PALM2AKAP2: variants seen among roughly 807,000 people sequenced by gnomAD.
The protein encoded by PALM2AKAP2 is PALM2 and AKAP2 fusion.
Under a neutral mutation model 71.5 loss-of-function variants are expected in PALM2AKAP2, and 37 were observed. The observed-to-expected ratio is 0.52, with a 90% CI of 0.40 to 0.68. The LOEUF is 0.68. Ranked by LOEUF, PALM2AKAP2 falls within the 30% of genes least tolerant of loss-of-function variation. The pLI is 0.00. For synonymous variants in PALM2AKAP2, 468 were observed against 478.8 expected, an observed-to-expected ratio of 0.98 and a Z score of 0.29; for missense variants, 1,224 against 1,191.8, an observed-to-expected ratio of 1.03 and a Z score of -0.40.
At chr9:110,039,190 A>G (rs779896220) in intron 7 of PALM2AKAP2, among the ~76,000 whole-genome samples, 28 of 152,176 alleles carry the variant, frequency 1.8e-4, no homozygotes, top group Non-Finnish European at 2.9e-4. Context: ...TTGAGGCTGC[A>G]GTGAGCCATG....
chr9:110,048,638 C>G, upstream of PALM2AKAP2: 1 of 1,448,254 alleles, frequency 6.9e-7, no homozygotes, highest in East Asian at 2.8e-5. Flanking sequence ...GGGCGGGCCC[C>G]AGGAGCAGGC....
chr9:110,024,640 T>C (rs750523039), intron 7 of PALM2AKAP2, among the ~76,000 whole-genome samples: 2 of 151,970 alleles, frequency 1.3e-5, no homozygotes, highest in African/African-American at 2.4e-5. Flanking sequence ...AAAAATTAGC[T>C]GGATGTGGTG....
chr9:109,775,844 T>C (rs1829341616), upstream of PALM2AKAP2, among the ~76,000 whole-genome samples: 1 of 152,280 alleles, frequency 6.6e-6, no homozygotes, highest in South Asian at 2.1e-4. Context: ...GGACTCATGT[T>C]CTAAAATAGA....
At chr9:109,688,687 G>A (rs1827837243) in intron 1 of PALM2AKAP2, among the ~76,000 whole-genome samples, 1 of 152,212 alleles carries the variant, frequency 6.6e-6, no homozygotes, top group Admixed American at 6.5e-5. Context: ...CCTGAAAAGG[G>A]GCAGAGAGAT....
chr9:110,007,064 GCTT>G (rs1301090912), intron 6 of PALM2AKAP2, among the ~76,000 whole-genome samples: 4 of 152,236 alleles, frequency 2.6e-5, no homozygotes, highest in East Asian at 1.9e-4. Flanking sequence ...TTTGGGGAAA[GCTT>G]CTTTTTTCTT....
chr9:110,124,875 T>G (rs1420867239), intron 1 of PALM2AKAP2, among the ~76,000 whole-genome samples: 1 of 152,084 alleles, frequency 6.6e-6, no homozygotes, highest in African/African-American at 2.4e-5. Context: ...TGAAATGATA[T>G]GAGTAAAAAA....
intron 3 of PALM2AKAP2, among the ~76,000 whole-genome samples, chr9:109,887,518 G>A (rs897046167): frequency 5.3e-5 from 8 of 152,104 alleles, no homozygotes; most frequent in African/African-American, 1.9e-4. Flanking sequence ...TCTATATTGT[G>A]TAATATTTCC....
intron 6 of PALM2AKAP2, among the ~76,000 whole-genome samples, chr9:109,956,090 C>T (rs373338907): frequency 2.0e-5 from 3 of 151,434 alleles, no homozygotes; most frequent in African/African-American, 4.8e-5. Context: ...CTGCAACCTC[C>T]GCCTCCCAGG....
rs143098836 is a variant in PALM2AKAP2, at chr9:109,848,000, C to G, written c.46-19491C>G. Among the ~76,000 whole-genome samples, 75 of 152,302 alleles carry G rather than the reference C, an allele frequency of 4.9e-4. 2 individuals are homozygous for G. The East Asian group carries it at 0.013, about 26-fold the overall frequency. On this transcript the variant is annotated intron_variant, in intron 1 of 9. Transcript: ENST00000302798. ...CACTCCTCTCATCCTCTCATTCTTTCCCCCACCCATTGGCTTATAAACTTG... is the reference window on the plus strand; with the variant it reads ...CACTCCTCTCATCCTCTCATTCTTTGCCCCACCCATTGGCTTATAAACTTG...
chr9:109,865,837 T>G (rs536335015), intron 1 of PALM2AKAP2, among the ~76,000 whole-genome samples: 1 of 152,326 alleles, frequency 6.6e-6, no homozygotes, highest in African/African-American at 2.4e-5. Flanking sequence ...AATGTAGAGA[T>G]AGCAGCTGGA....
chr9:110,126,437 T>C (rs986348664), intron 1 of PALM2AKAP2, among the ~76,000 whole-genome samples: 6 of 152,228 alleles, frequency 3.9e-5, no homozygotes, highest in Non-Finnish European at 8.8e-5. Flanking sequence ...CCTAGAAATC[T>C]CACCTTGCAG....
intron 1 of PALM2AKAP2, among the ~76,000 whole-genome samples, chr9:109,838,287 T>C (rs1828541724): frequency 6.6e-6 from 1 of 152,178 alleles, no homozygotes; most frequent in Non-Finnish European, 1.5e-5. Flanking sequence ...ACTGGGTACA[T>C]AATGAAATGA....
chr9:110,017,874 C>T (rs2132351687), intron 7 of PALM2AKAP2, among the ~76,000 whole-genome samples: 1 of 151,906 alleles, frequency 6.6e-6, no homozygotes, highest in African/African-American at 2.4e-5. Flanking sequence ...ACTACAGGTG[C>T]TGGACACAAT....
chr9:109,993,184 TAA>T (rs3063883), intron 6 of PALM2AKAP2, among the ~76,000 whole-genome samples: 1 of 138,806 alleles, frequency 7.2e-6, no homozygotes. Context: ...CAAAGTGCCT[TAA>T]AAAAAAAAAA....
intron 2 of PALM2AKAP2, among the ~76,000 whole-genome samples, chr9:109,880,008 G>A (rs886589569): frequency 6.6e-6 from 1 of 152,166 alleles, no homozygotes; most frequent in Non-Finnish European, 1.5e-5. Flanking sequence ...AGGGGCATAT[G>A]ATTTTTATAA....
chr9:109,902,937 C>T (rs1406294348), intron 3 of PALM2AKAP2, among the ~76,000 whole-genome samples: 1 of 152,158 alleles, frequency 6.6e-6, no homozygotes, highest in Non-Finnish European at 1.5e-5. Context: ...CACAGATACC[C>T]AGGTCTACTT....
chr9:110,137,385 G>A (rs1430064805), exon 2 of PALM2AKAP2: 1 of 1,614,170 alleles, frequency 6.2e-7, no homozygotes, highest in Non-Finnish European at 8.5e-7. Flanking sequence ...CCAGAAGACA[G>A]TGGTGCCTCA....
At chr9:110,021,008 A>T (rs1211280955) in intron 7 of PALM2AKAP2, among the ~76,000 whole-genome samples, 2 of 152,076 alleles carry the variant, frequency 1.3e-5, no homozygotes, top group Non-Finnish European at 1.5e-5. Flanking sequence ...CCGGAGGCTG[A>T]AGCACGAGAA....
chr9:109,939,607 G>A (rs137881596), intron 6 of PALM2AKAP2, among the ~76,000 whole-genome samples: 4 of 152,318 alleles, frequency 2.6e-5, no homozygotes, highest in African/African-American at 9.6e-5. Context: ...TGTGTTAATA[G>A]TGATAAGATA....
Sources: allele counts gnomAD v4.1 joint callset (sites outside exome capture counted in the v4.1 genomes callset), GRCh38; gene constraint gnomAD v4.1.1; transcripts MANE v1.5; gene names NCBI Gene and HGNC (gene_info 2026-07-23, HGNC 2026-07-21).